The following ANKFN1 variants were observed in gnomAD, a reference collection of about 807,000 sequenced individuals.
The protein encoded by ANKFN1 is ankyrin repeat and fibronectin type-III domain-containing protein 1.
Under a neutral mutation model 108.7 loss-of-function variants are expected in ANKFN1, and 74 were observed. The ratio of observed to expected loss-of-function variants is 0.68; its 90% CI spans 0.56 to 0.83. The LOEUF (loss-of-function observed/expected upper bound fraction) is 0.83, where lower values mean the gene tolerates loss of function less well. ANKFN1 is among the 40% of genes least tolerant of loss of function. The probability of loss-of-function intolerance (pLI) is 0.00; values close to 1 mark genes in which losing one functional copy is unlikely to be tolerated. For synonymous variants in ANKFN1, 547 were observed against 516.2 expected (o/e 1.06, Z -0.81); for missense variants, 1,505 against 1,382.3 (o/e 1.09, Z -1.41).
At chr17:56,477,797 C>A in intron 16 of ANKFN1, 143 bp downstream of exon 16, 1 of 823,728 alleles carries the variant, frequency 1.2e-6, no homozygotes. Context: ...TGAAGTGGGG[C>A]AGAGCTTAGT....
intron 11 of ANKFN1, among the ~76,000 whole-genome samples, chr17:56,451,967 CT>C (rs1222465195): frequency 2.0e-5 from 3 of 152,108 alleles, no homozygotes; most frequent in Non-Finnish European, 4.4e-5. Context: ...TGCATTTTGG[CT>C]AAAGAACTGG....
chr17:56,188,549 GTGTGTGTGTGTGTA>G (rs1158015684), intron 1 of ANKFN1, among the ~76,000 whole-genome samples: 37 of 60,594 alleles, frequency 6.1e-4, no homozygotes, highest in African/African-American at 2.2e-3. Context: ...ATGTATATGT[GTGTGTGTGTGTGTA>G]TGTGTGTGTG....
chr17:56,166,764 T>C (rs1405024218), intron 1 of ANKFN1, among the ~76,000 whole-genome samples: 1 of 152,116 alleles, frequency 6.6e-6, no homozygotes, highest in East Asian at 1.9e-4. Context: ...CCCCATAGTA[T>C]TTTTTTGTTT....
intron 8 of ANKFN1, among the ~76,000 whole-genome samples, chr17:56,392,846 C>T (rs956101419): frequency 6.6e-6 from 1 of 152,168 alleles, no homozygotes; most frequent in Non-Finnish European, 1.5e-5. Context: ...AGAAAACTTT[C>T]TCTAATATTT....
At chr17:56,396,793 C>T (rs2047600894) in intron 8 of ANKFN1, among the ~76,000 whole-genome samples, 1 of 151,984 alleles carries the variant, frequency 6.6e-6, no homozygotes, top group Non-Finnish European at 1.5e-5. Flanking sequence ...GTCCCACAGC[C>T]AGTATATGCC....
At chr17:56,292,049 A>G (rs919651357) in intron 3 of ANKFN1, among the ~76,000 whole-genome samples, 10 of 152,306 alleles carry the variant, frequency 6.6e-5, no homozygotes, top group African/African-American at 2.2e-4. Context: ...AGAGCATAGG[A>G]GAGCCAATCA....
At chr17:56,392,860 A>G (rs2047479097) in intron 8 of ANKFN1, among the ~76,000 whole-genome samples, 2 of 152,256 alleles carry the variant, frequency 1.3e-5, no homozygotes, top group Admixed American at 6.5e-5. Flanking sequence ...AATATTTACC[A>G]TTTAACTATT....
At chr17:56,237,753 T>C (rs1465302610) in intron 3 of ANKFN1, among the ~76,000 whole-genome samples, 2 of 151,874 alleles carry the variant, frequency 1.3e-5, no homozygotes, top group Non-Finnish European at 2.9e-5. Flanking sequence ...TTGGAATGGT[T>C]TTTTTTTGTG....
At chr17:56,094,090 C>A (rs1013938184) in intron 4 of ANKFN1, among the ~76,000 whole-genome samples, 3 of 151,188 alleles carry the variant, frequency 2.0e-5, no homozygotes, top group Admixed American at 2.0e-4. Context: ...CAGGGTGATG[C>A]ATCTACATCC....
At chr17:56,251,806 G>T (rs1191731292) in intron 3 of ANKFN1, among the ~76,000 whole-genome samples, 1 of 152,146 alleles carries the variant, frequency 6.6e-6, no homozygotes, top group Non-Finnish European at 1.5e-5. Flanking sequence ...AATACTCCTA[G>T]CCTCTGTAAA....
At chr17:56,431,854 GGTCTTT>G (rs1159939286) in intron 8 of ANKFN1, among the ~76,000 whole-genome samples, 6 of 152,200 alleles carry the variant, frequency 3.9e-5, no homozygotes. Flanking sequence ...TACGTATCTT[GGTCTTT>G]GTGTGTGTAA....
chr17:56,125,163 C>T (rs1001822599), intron 4 of ANKFN1, among the ~76,000 whole-genome samples: 4 of 152,216 alleles, frequency 2.6e-5, no homozygotes, highest in African/African-American at 9.6e-5. Flanking sequence ...TCATGTGTCT[C>T]ATAGGAATTG....
chr17:56,432,381 C>A (rs2048786633), intron 8 of ANKFN1, among the ~76,000 whole-genome samples: 1 of 152,006 alleles, frequency 6.6e-6, no homozygotes, highest in Admixed American at 6.6e-5. Context: ...AAGGTCCAGA[C>A]AACATGAAAT....
chr17:56,196,624 C>A (rs1169221108), intron 1 of ANKFN1, among the ~76,000 whole-genome samples: 1 of 152,096 alleles, frequency 6.6e-6, no homozygotes, highest in African/African-American at 2.4e-5. Flanking sequence ...CCCTGTAGTC[C>A]TGGCTACTCA....
At chr17:56,170,693 G>A (rs1403209574) in intron 1 of ANKFN1, among the ~76,000 whole-genome samples, 1 of 149,250 alleles carries the variant, frequency 6.7e-6, no homozygotes, top group African/African-American at 2.5e-5. Context: ...AACCTGGGAG[G>A]CCGAGGTTGC....
At chr17:56,086,931 T>C (rs1905325779) in intron 4 of ANKFN1, among the ~76,000 whole-genome samples, 1 of 151,476 alleles carries the variant, frequency 6.6e-6, no homozygotes, top group Non-Finnish European at 1.5e-5. Flanking sequence ...ATTATAATTC[T>C]GCCAGGGGGA....
At chr17:56,435,363 A>G (rs1467222687) in intron 8 of ANKFN1, among the ~76,000 whole-genome samples, 2 of 152,234 alleles carry the variant, frequency 1.3e-5, no homozygotes, top group Non-Finnish European at 2.9e-5. Flanking sequence ...TGGATCATTG[A>G]AAAACATAAA....
At chr17:56,363,529 A>C (rs917885013) in intron 6 of ANKFN1, among the ~76,000 whole-genome samples, 3 of 152,188 alleles carry the variant, frequency 2.0e-5, no homozygotes, top group Admixed American at 2.0e-4. Flanking sequence ...TCGAAAAACT[A>C]AACACAGAAT....
intron 4 of ANKFN1, among the ~76,000 whole-genome samples, chr17:56,062,490 C>T (rs1379181760): frequency 6.6e-6 from 1 of 151,152 alleles, no homozygotes; most frequent in African/African-American, 2.4e-5. Context: ...ATGTAGTGCC[C>T]TTCTTTGTCT....
Sources: gnomAD v4.1 joint callset for allele counts (sites outside exome capture counted in the v4.1 genomes callset) on GRCh38, gnomAD v4.1.1 for gene constraint, MANE v1.5 for transcripts, NCBI Gene and HGNC (gene_info 2026-07-23, HGNC 2026-07-21) for gene names.